The following ZNF184 variants were observed in gnomAD, a reference collection of about 807,000 sequenced individuals.
ZNF184 encodes the protein zinc finger protein 184, also known as zinc finger protein 184 (Kruppel-like).
In ZNF184, 16 loss-of-function variants were observed where a neutral mutation model predicts 54.4. The ratio of observed to expected loss-of-function variants is 0.29; its 90% confidence interval spans 0.20 to 0.45. The LOEUF is 0.45. Ranked by LOEUF, ZNF184 falls within the 20% of genes least tolerant of loss-of-function variation. The pLI is 1.00. For synonymous variants in ZNF184, 254 were observed against 295.3 expected, an observed-to-expected ratio of 0.86 and a Z score of 1.43; for missense variants, 681 against 888.2, an observed-to-expected ratio of 0.77 and a Z score of 2.97.
intron 3 of ZNF184, among the ~76,000 whole-genome samples, chr6:27,462,707 G>A (rs7764634): frequency 0.76 from 113,638 of 150,236 alleles, 43,175 homozygotes; most frequent in Middle Eastern, 0.83. Flanking sequence ...TACTAAAAGT[G>A]CAAAAAAATT....
At chr6:27,412,689 C>T in the ZNF184 span, among the ~76,000 whole-genome samples, 3 of 152,144 alleles carry the variant, frequency 2.0e-5, no homozygotes, top group Non-Finnish European at 2.9e-5. Context: ...TGGCTTTATA[C>T]GTTTTAGAAA....
chr6:27,417,764 G>T, the ZNF184 span, among the ~76,000 whole-genome samples: 1 of 152,152 alleles, frequency 6.6e-6, no homozygotes, highest in African/African-American at 2.4e-5. Context: ...ATGCTCATAA[G>T]AATATTGTTA....
chr6:27,470,350 A>G (rs1248829186), intron 2 of ZNF184, among the ~76,000 whole-genome samples: 1 of 152,176 alleles, frequency 6.6e-6, no homozygotes, highest in African/African-American at 2.4e-5. Context: ...GGGGTGATGA[A>G]TAATATGGAG....
At chr6:27,419,726 T>C in the ZNF184 span, among the ~76,000 whole-genome samples, 2 of 152,106 alleles carry the variant, frequency 1.3e-5, no homozygotes, top group Non-Finnish European at 2.9e-5. The surrounding 1 kb of genome is among the most constrained non-coding windows in gnomAD (Gnocchi z 4.8). Flanking sequence ...TCCACTAAAA[T>C]ATATGTAAAA....
Position 27,472,827 on chromosome 6 carries a change from G to T in ZNF184, c.-238C>A, listed in dbSNP as rs1263933738. 1 of 153,182 alleles carries T rather than the reference G, an allele frequency of 6.5e-6. No homozygotes were observed. The highest frequency in any genetic ancestry group is 2.4e-5 in the African/African-American group (1 of 41,488). The allele number at this position is 153,182 out of a possible 1,614,324, so 9.5% of individuals were successfully genotyped here. A position where few individuals can be genotyped will look rare whatever the true frequency, so the allele number is the denominator to read the frequency against. Reference sequence around the variant, plus strand: ...AACAAAAGAACAAAGCCCTCCAAGGGATCAGGGCGGGACCGCCCCGCACAG... The same window carrying T: ...AACAAAAGAACAAAGCCCTCCAAGGTATCAGGGCGGGACCGCCCCGCACAG... On this transcript the variant is annotated 5_prime_UTR_variant, in exon 1 of 6. Transcript: ENST00000683788. This position sits in a 1 kb window ranked among gnomAD's most constrained non-coding sequence, Gnocchi z 4.8.
intron 3 of ZNF184, among the ~76,000 whole-genome samples, chr6:27,466,168 GAGAT>G (rs1487755826): frequency 1.4e-4 from 18 of 124,880 alleles, no homozygotes; most frequent in Admixed American, 1.3e-3. Flanking sequence ...GAGAGAGAGA[GAGAT>G]AAATTTGAAG....
At chr6:27,445,052 C>G in the ZNF184 span, among the ~76,000 whole-genome samples, 1 of 152,192 alleles carries the variant, frequency 6.6e-6, no homozygotes, top group Admixed American at 6.5e-5. Context: ...TCAATGTCAA[C>G]TAAAGCTGAA....
chr6:27,419,543 TAG>T, the ZNF184 span, among the ~76,000 whole-genome samples: 1 of 151,610 alleles, frequency 6.6e-6, no homozygotes, highest in African/African-American at 2.4e-5. This position sits in a 1 kb window ranked among gnomAD's most constrained non-coding sequence, Gnocchi z 4.8. Context: ...GATAGATAGA[TAG>T]ATAGATAGAT....
chr6:27,451,654 A>T lies in ZNF184; in HGVS notation c.1905T>A (p.Thr635=). ...ACTGGTAGGGTTTTTCTTCTGTGTGAGTTTTTTGATGTTGAGCAAGAGATG... is the reference window on the plus strand; with the variant it reads ...ACTGGTAGGGTTTTTCTTCTGTGTGTGTTTTTTGATGTTGAGCAAGAGATG... ...HCSSLAQHQK[T]HTEEKPYQCN... The change falls in exon 6 of 6, where the codon ACT becomes ACA. Residue 635 remains threonine (T), a synonymous_variant. Transcript: ENST00000683788. 1 of 1,614,088 alleles carries T rather than the reference A, an allele frequency of 6.2e-7. No homozygotes were observed. Among genetic ancestry groups the T allele is most frequent in the Non-Finnish European group, 8.5e-7 (1 of 1,179,982 alleles).
chr6:27,458,320 A>C (rs868792414), intron 3 of ZNF184, among the ~76,000 whole-genome samples: 1 of 124,908 alleles, frequency 8.0e-6, no homozygotes, highest in Non-Finnish European at 1.7e-5. Context: ...AAAAAAAAAA[A>C]CAATCTACAG....
the ZNF184 span, among the ~76,000 whole-genome samples, chr6:27,422,614 G>A: frequency 6.6e-6 from 1 of 152,060 alleles, no homozygotes; most frequent in Non-Finnish European, 1.5e-5. Context: ...GCAGTTTTTG[G>A]ATATGTTCCT....
the ZNF184 span, among the ~76,000 whole-genome samples, chr6:27,414,366 G>A: frequency 0.036 from 5,435 of 152,094 alleles, 203 homozygotes; most frequent in African/African-American, 0.095. Flanking sequence ...AGAATCTTCC[G>A]GTAGCTTTTC....
rs1193247718 is a variant in ZNF184 at position 27,451,361 on chromosome 6, T to C, written c.2198A>G (p.Lys733Arg). The C allele has an allele frequency of 2.5e-6, 4 of 1,613,840 alleles. No individual in the cohort carries two copies. The highest frequency in any genetic ancestry group is 3.4e-6 in the Non-Finnish European group (4 of 1,179,906). The change falls in exon 6 of 6, where the codon AAA becomes AGA. Residue 733 changes from lysine to arginine, a missense_variant. Physicochemically the swap from Lys to Arg is conservative, Grantham distance 26. Transcript: ENST00000683788. ...EKPFGCNDCG[K>R]SFRYRSALNK... ...GAGAGCAGAGCGATATCTGAAGGAT[T>C]TTCCACAATCATTACATCCAAAAGG...
chr6:27,410,559 C>A, the ZNF184 span, among the ~76,000 whole-genome samples: 1 of 151,978 alleles, frequency 6.6e-6, no homozygotes, highest in Non-Finnish European at 1.5e-5. Context: ...TTAGACAGAG[C>A]CTTTCTCTGT....
At chr6:27,468,133 T>C (rs1275469488) in intron 2 of ZNF184, among the ~76,000 whole-genome samples, 1 of 152,218 alleles carries the variant, frequency 6.6e-6, no homozygotes, top group African/African-American at 2.4e-5. Flanking sequence ...TTCAGTTTTG[T>C]ACCTAGACAC....
intron 3 of ZNF184, among the ~76,000 whole-genome samples, chr6:27,467,168 C>A (rs532912761): frequency 6.6e-6 from 1 of 152,176 alleles, no homozygotes; most frequent in Non-Finnish European, 1.5e-5. Flanking sequence ...CCCAAGTCCC[C>A]CATCCTCCAT....
Position 27,452,265 on chromosome 6 carries a change from T to C in ZNF184, c.1294A>G (p.Asn432Asp). ...ECGKAFSQHS[N>D]LTQHQKTHTG... The stretch of plus-strand genomic sequence containing the variant: ...TGAGTTTTTTGATGCTGAGTGAGGT[T>C]TGAGTGCTGGCTGAAGGCTTTCCCA... Residue 432 changes from asparagine (N) to aspartate (D), a missense_variant, in exon 6 of 6, where the codon AAC becomes GAC. Asn to Asp is a conservative substitution (Grantham distance 23). Transcript: ENST00000683788. This position sits in a 1 kb window ranked among gnomAD's most constrained non-coding sequence, Gnocchi z 5.5. 6.2e-7 allele frequency: 1 copy of C among 1,613,992 alleles called. No homozygotes were observed. Among genetic ancestry groups the C allele is most frequent in the Non-Finnish European group, 8.5e-7 (1 of 1,179,980 alleles).
At chr6:27,423,373 G>A in the ZNF184 span, among the ~76,000 whole-genome samples, 1 of 152,114 alleles carries the variant, frequency 6.6e-6, no homozygotes, top group Non-Finnish European at 1.5e-5. Context: ...AATTCAGAAT[G>A]CTACCTTTGT....
downstream of ZNF184, among the ~76,000 whole-genome samples, chr6:27,450,281 C>T (rs999948323): frequency 1.3e-5 from 2 of 152,100 alleles, no homozygotes; most frequent in African/African-American, 4.8e-5. Context: ...ATAGGGTTCT[C>T]CAGGTGTTAT....
Sources: allele counts gnomAD v4.1 joint callset (sites outside exome capture counted in the v4.1 genomes callset), GRCh38; gene constraint gnomAD v4.1.1; non-coding constraint Gnocchi (gnomAD v3.1); transcripts MANE v1.5; gene names NCBI Gene and HGNC (gene_info 2026-07-23, HGNC 2026-07-21).